CNTNAP2: variants seen among roughly 807,000 people sequenced by gnomAD.
The protein encoded by CNTNAP2 is contactin-associated protein-like 2.
In CNTNAP2, 98 loss-of-function variants were observed where a neutral mutation model predicts 155.2. The ratio of observed to expected loss-of-function variants is 0.63; its 90% confidence interval spans 0.54 to 0.75. CNTNAP2 has a LOEUF of 0.75. Ranked by LOEUF, CNTNAP2 falls within the 30% of genes least tolerant of loss-of-function variation. CNTNAP2 has a pLI of 0.00. For missense variants in CNTNAP2, 1,727 were observed against 1,688.1 expected (o/e 1.02, Z -0.40); for synonymous variants, 651 against 631.2 (o/e 1.03, Z -0.47).
intron 13 of CNTNAP2, among the ~76,000 whole-genome samples, chr7:147,789,356 C>T (rs1797786247): frequency 6.6e-6 from 1 of 152,176 alleles, no homozygotes; most frequent in South Asian, 2.1e-4. Flanking sequence ...GTTCTATTTA[C>T]TACATGGCAG....
chr7:148,067,451 C>T (rs991335858), intron 15 of CNTNAP2, among the ~76,000 whole-genome samples: 2 of 152,220 alleles, frequency 1.3e-5, no homozygotes, highest in Admixed American at 6.5e-5. Flanking sequence ...GTGACATGAT[C>T]TGTCTTCAGG....
At chr7:147,400,827 C>T (rs1247450989) in intron 10 of CNTNAP2, among the ~76,000 whole-genome samples, 1 of 152,152 alleles carries the variant, frequency 6.6e-6, no homozygotes, top group Non-Finnish European at 1.5e-5. Flanking sequence ...GCCACTGATA[C>T]TAACTTGTAT....
intron 15 of CNTNAP2, among the ~76,000 whole-genome samples, chr7:148,008,867 C>A (rs35682545): frequency 6.6e-6 from 1 of 152,168 alleles, no homozygotes; most frequent in Non-Finnish European, 1.5e-5. Flanking sequence ...TCTCCCTTCT[C>A]GTGTCCAGTT....
chr7:148,371,789 A>G lies in CNTNAP2; in HGVS notation c.3476-11860A>G, dbSNP rs577307316. ...ACACCCAGGCTCTGTGCTACAGCCCATTGCTCCCAGGCTGCAGACATGTGC... is the reference window on the plus strand; with the variant it reads ...ACACCCAGGCTCTGTGCTACAGCCCGTTGCTCCCAGGCTGCAGACATGTGC... On this transcript the variant is annotated intron_variant, in intron 21 of 23. Coordinates refer to ENST00000361727, the MANE Select transcript of CNTNAP2 (RefSeq NM_014141.6). Among the ~76,000 whole-genome samples the G allele has an allele frequency of 3.3e-5, 5 of 152,320 alleles. No homozygotes were observed. The East Asian group carries it at 9.6e-4, about 29-fold the overall frequency.
intron 1 of CNTNAP2, among the ~76,000 whole-genome samples, chr7:146,288,793 ATTT>A (rs757136036): frequency 0.014 from 1,382 of 99,878 alleles, 25 homozygotes; most frequent in African/African-American, 0.072. Flanking sequence ...AAAATTAGTA[ATTT>A]TTTTTTTTTT....
At chr7:147,666,932 T>C (rs1306559918) in intron 13 of CNTNAP2, among the ~76,000 whole-genome samples, 2 of 152,222 alleles carry the variant, frequency 1.3e-5, no homozygotes, top group Non-Finnish European at 2.9e-5. Context: ...GCAATGAGAC[T>C]AACAACAGTT....
intron 3 of CNTNAP2, among the ~76,000 whole-genome samples, chr7:146,903,080 G>T (rs949256294): frequency 1.3e-5 from 2 of 152,102 alleles, no homozygotes; most frequent in East Asian, 3.9e-4. Flanking sequence ...TCAACTTCAC[G>T]TTGGGGCAAC....
intron 1 of CNTNAP2, among the ~76,000 whole-genome samples, chr7:146,383,872 GC>G (rs1312603953): frequency 1.3e-5 from 2 of 152,128 alleles, no homozygotes; most frequent in African/African-American, 4.8e-5. Flanking sequence ...AGTATCTCTG[GC>G]TTTTTTATGT....
At chr7:148,162,501 G>A (rs753395431) in intron 17 of CNTNAP2, among the ~76,000 whole-genome samples, 9 of 152,186 alleles carry the variant, frequency 5.9e-5, no homozygotes, top group Non-Finnish European at 5.9e-5. Flanking sequence ...CACCATTTTA[G>A]CAGTGGCCAA....
intron 21 of CNTNAP2, among the ~76,000 whole-genome samples, chr7:148,333,953 G>A (rs1269962519): frequency 6.6e-6 from 1 of 152,204 alleles, no homozygotes; most frequent in East Asian, 1.9e-4. Context: ...CCTGATTTCT[G>A]CTCCAGAACT....
chr7:148,106,493 G>GATAGATATATAGATATATATATATATAT (rs1490418389), intron 15 of CNTNAP2, among the ~76,000 whole-genome samples: 1 of 124,926 alleles, frequency 8.0e-6, no homozygotes, highest in African/African-American at 3.5e-5. Context: ...CACACTTTGA[G>GATAGATATATAGATATATATATATATAT]ATATATATAT....
chr7:147,033,998 T>C (rs1161273240), intron 3 of CNTNAP2, among the ~76,000 whole-genome samples: 3 of 152,070 alleles, frequency 2.0e-5, no homozygotes, highest in East Asian at 3.9e-4. Flanking sequence ...ATATGCAGAG[T>C]AGCACTTGTA....
At chr7:146,674,930 C>T (rs73166366) in intron 1 of CNTNAP2, among the ~76,000 whole-genome samples, 2,860 of 152,236 alleles carry the variant, frequency 0.019, 69 homozygotes, top group East Asian at 0.11. Context: ...TCCTTTACAA[C>T]CAGAAAATTC....
chr7:148,292,632 C>T (rs1797207382), intron 21 of CNTNAP2, among the ~76,000 whole-genome samples: 1 of 152,174 alleles, frequency 6.6e-6, no homozygotes, highest in South Asian at 2.1e-4. Context: ...AGGTTAGCCA[C>T]TGGTATTACT....
At chr7:148,140,614 A>G (rs1401561678) in intron 16 of CNTNAP2, among the ~76,000 whole-genome samples, 1 of 151,580 alleles carries the variant, frequency 6.6e-6, no homozygotes, top group Non-Finnish European at 1.5e-5. Flanking sequence ...TAGGGATGGC[A>G]TTTCTCCATG....
At chr7:147,633,766 G>A (rs1371174384) in intron 12 of CNTNAP2, among the ~76,000 whole-genome samples, 2 of 152,144 alleles carry the variant, frequency 1.3e-5, no homozygotes, top group Non-Finnish European at 2.9e-5. Context: ...CCGCCACCCT[G>A]TGAAGAGGTG....
chr7:147,176,765 A>C (rs1322330925), intron 8 of CNTNAP2, among the ~76,000 whole-genome samples: 1 of 125,510 alleles, frequency 8.0e-6, no homozygotes, highest in Non-Finnish European at 1.6e-5. Context: ...AATTATAATT[A>C]TATAGAATTA....
At chr7:147,561,388 T>C (rs938747307) in intron 11 of CNTNAP2, among the ~76,000 whole-genome samples, 3 of 152,210 alleles carry the variant, frequency 2.0e-5, no homozygotes, top group African/African-American at 2.4e-5. Context: ...GCATTTTAGA[T>C]GTTCTAACTA....
chr7:148,036,830 T>C (rs1049691751), intron 15 of CNTNAP2, among the ~76,000 whole-genome samples: 1 of 152,186 alleles, frequency 6.6e-6, no homozygotes, highest in Non-Finnish European at 1.5e-5. Context: ...TGTCTGATTC[T>C]ATAAGGAATC....
Sources: gnomAD v4.1 joint callset for allele counts (sites outside exome capture counted in the v4.1 genomes callset) on GRCh38, gnomAD v4.1.1 for gene constraint, MANE v1.5 for transcripts, NCBI Gene and HGNC (gene_info 2026-07-23, HGNC 2026-07-21) for gene names.